The following MICB variants were observed in gnomAD, a reference collection of about 807,000 sequenced individuals.
The protein encoded by MICB is MHC class I polypeptide-related sequence B, also known as MHC class I antigen-related protein B.
Under a neutral mutation model 34.3 loss-of-function variants are expected in MICB, and 27 were observed. That is an observed-to-expected ratio of 0.79 (90% confidence interval 0.58 to 1.08). The LOEUF is 1.08. MICB is among the 50% of genes least tolerant of loss of function. The pLI, the probability that MICB is intolerant of heterozygous loss-of-function variation, is 0.00. For missense variants in MICB, 426 were observed against 483.1 expected, an observed-to-expected ratio of 0.88 and a Z score of 1.11; for synonymous variants, 153 against 187.4, an observed-to-expected ratio of 0.82 and a Z score of 1.50.
upstream of MICB, chr6:31,494,976 C>T (rs2534683): frequency 0.28 from 23,240 of 83,936 alleles, 1,983 homozygotes; most frequent in Admixed American, 0.43. Flanking sequence ...CCTCTGTGCT[C>T]GTGAGTCCAG....
upstream of MICB, among the ~76,000 whole-genome samples, chr6:31,495,389 A>C (rs1337559901): frequency 6.6e-6 from 1 of 152,132 alleles, no homozygotes; most frequent in African/African-American, 2.4e-5. Context: ...AGCTGGGTCC[A>C]TCTGCCTCTC....
intron 2 of MICB, 133 bp from the exon 3 acceptor site, chr6:31,506,010 G>T: frequency 6.8e-7 from 1 of 1,472,690 alleles, no homozygotes; most frequent in Non-Finnish European, 9.1e-7. Context: ...CAGCAGGGTG[G>T]TGAGCCGGAA....
Position 31,498,179 on chromosome 6 carries a change from G to T in MICB, c.-15G>T. 6.3e-7 allele frequency: 1 copy of T among 1,575,452 alleles called. No homozygotes were observed. On this transcript the variant is annotated 5_prime_UTR_variant, in exon 1 of 6. Transcript: ENST00000252229. ...GCCACTGCTGAGCAGCTGAGAAGGTGGCGACGTAGGGGCCATGGGGCTGGG... is the reference window on the plus strand; with the variant it reads ...GCCACTGCTGAGCAGCTGAGAAGGTTGCGACGTAGGGGCCATGGGGCTGGG...
Position 31,505,736 on chromosome 6 carries a change from C to T in MICB, c.190C>T (p.Arg64Cys), listed in dbSNP as rs2240858. The change falls in exon 2 of 6, where the codon CGC becomes TGC. Residue 64 changes from arginine (R) to cysteine (C), a missense_variant. Transcript: ENST00000252229. ...QPFLRYDRQKRRAKPQGQWAE... is the reference protein window; with the variant it reads ...QPFLRYDRQKCRAKPQGQWAE... ...CTTCCTGCGCTATGACAGGCAGAAA[C>T]GCAGGGCAAAGCCCCAGGGACAGTG... is the stretch of plus-strand genomic sequence containing the variant. The T allele has an allele frequency of 2.4e-4, 383 of 1,613,116 alleles. 2 individuals are homozygous for T. The Middle Eastern group carries it at 3.8e-3, about 16-fold the overall frequency.
chr6:31,497,933 C>A (rs1764755660), upstream of MICB, among the ~76,000 whole-genome samples: 1 of 152,184 alleles, frequency 6.6e-6, no homozygotes, highest in Non-Finnish European at 1.5e-5. Flanking sequence ...ATTTTGGCTG[C>A]GCTCGCGCAC....
At chr6:31,496,190 A>G (rs1282648656), upstream of MICB, among the ~76,000 whole-genome samples, 1 of 141,874 alleles carries the variant, frequency 7.0e-6, no homozygotes, top group Non-Finnish European at 1.5e-5. Flanking sequence ...GCTGGGGACA[A>G]GCCAATTCTC....
In MICB at chr6:31,507,038, T is replaced by A; in HGVS notation, c.630T>A (p.Asn210Lys). The A allele has an allele frequency of 6.2e-7, 1 of 1,613,714 alleles. No homozygotes were observed. The highest frequency in any genetic ancestry group is 8.5e-7 in the Non-Finnish European group (1 of 1,179,688). Residue 210 changes from asparagine to lysine, a missense_variant, in exon 4 of 6, where the codon AAT (asparagine) becomes AAA (lysine). By Grantham distance (94) the Asn-to-Lys change is moderately conservative (BLOSUM62 0). Coordinates refer to ENST00000252229, the MANE Select transcript of MICB (RefSeq NM_005931.5). The surrounding 1 kb of genome is among the most constrained non-coding windows in gnomAD (Gnocchi z 6.0). ...CTTCTCCAGTGCCCCCCATGGTGAATGTCACCTGCAGCGAGGTCTCAGAGG... is the reference window on the plus strand; with the variant it reads ...CTTCTCCAGTGCCCCCCATGGTGAAAGTCACCTGCAGCGAGGTCTCAGAGG... ...AIRRTVPPMVNVTCSEVSEGN... is the reference protein window; with the variant it reads ...AIRRTVPPMVKVTCSEVSEGN...
At chr6:31,500,889 G>A (rs1180866134) in intron 1 of MICB, among the ~76,000 whole-genome samples, 4 of 152,194 alleles carry the variant, frequency 2.6e-5, no homozygotes, top group Non-Finnish European at 5.9e-5. Context: ...CAATAAACAT[G>A]GAAAAGTAGA....
chr6:31,499,945 AC>A (rs1764932524), intron 1 of MICB, among the ~76,000 whole-genome samples: 1 of 100,986 alleles, frequency 9.9e-6, no homozygotes, highest in Admixed American at 1.1e-4. Context: ...CCCCCAGAGC[AC>A]CCTCCCCTCC....
intron 1 of MICB, among the ~76,000 whole-genome samples, chr6:31,504,299 G>T (rs576053041): frequency 2.2e-5 from 2 of 91,374 alleles, no homozygotes; most frequent in Admixed American, 1.8e-4. Flanking sequence ...TTGCTCTGTT[G>T]CCCAGGCTGG....
At chr6:31,497,096 G>A (rs1764707155), upstream of MICB, among the ~76,000 whole-genome samples, 1 of 152,206 alleles carries the variant, frequency 6.6e-6, no homozygotes, top group Admixed American at 6.5e-5. Context: ...GGCAGGCACA[G>A]TGTTTAGGAA....
chr6:31,506,534 C>T (rs1765341430), intron 3 of MICB, 104 bp downstream of exon 3: 6 of 1,286,608 alleles, frequency 4.7e-6, no homozygotes, highest in Middle Eastern at 4.0e-4. Context: ...TGGATGCAGG[C>T]GTTTCCTGTT....
At chr6:31,498,316 C>T (rs1764794696) in intron 1 of MICB, 53 bp downstream of exon 1, 3 of 1,448,924 alleles carry the variant, frequency 2.1e-6, no homozygotes, top group Non-Finnish European at 2.8e-6. Flanking sequence ...GGGGCGTTTC[C>T]GGGGGTCCGG....
chr6:31,509,696 T>C, intron 5 of MICB, 86 bp from the exon 6 acceptor site: 2 of 1,438,300 alleles, frequency 1.4e-6, no homozygotes, highest in Non-Finnish European at 1.8e-6. Context: ...AATCTGATTT[T>C]GGGGCAACTG....
chr6:31,506,745 G>A (rs1271638998), intron 3 of MICB, among the ~76,000 whole-genome samples: 2 of 152,104 alleles, frequency 1.3e-5, no homozygotes, highest in Non-Finnish European at 2.9e-5. Flanking sequence ...GCCCATCCCG[G>A]AGAGTTCCCT....
upstream of MICB, among the ~76,000 whole-genome samples, chr6:31,497,399 T>C (rs1764723813): frequency 6.6e-6 from 1 of 151,880 alleles, no homozygotes; most frequent in South Asian, 2.1e-4. Flanking sequence ...GGAGAGAGCT[T>C]GGTGTTGTAA....
chr6:31,494,950 T>C (rs1764572590), upstream of MICB: 2 of 125,214 alleles, frequency 1.6e-5, no homozygotes, highest in Non-Finnish European at 1.7e-5. Context: ...GCCTAAAGTC[T>C]GCGAGGAGGA....
chr6:31,506,124 C>A lies in MICB; in HGVS notation c.326-19C>A. The A allele has an allele frequency of 6.2e-7, 1 of 1,603,946 alleles. No homozygotes were observed. Among genetic ancestry groups the A allele is most frequent in the Non-Finnish European group, 8.5e-7 (1 of 1,174,486 alleles). On this transcript the variant is annotated intron_variant, in intron 2 of 5. Coordinates refer to ENST00000252229, the MANE Select transcript of MICB (RefSeq NM_005931.5). ...GTGATGGGTTCGGGAATGGAGAAGT[C>A]ACTGCTGGGTGGGGGCAGGCTTGCA...
chr6:31,510,089 G>A lies in MICB; in HGVS notation c.*180G>A, dbSNP rs908868083. Reference sequence around the variant, plus strand: ...CTGCCACGTAGAGAGCCAGCAAAGGGATCATGACCAACTCAACATTCCATT... The same window carrying A: ...CTGCCACGTAGAGAGCCAGCAAAGGAATCATGACCAACTCAACATTCCATT... On this transcript the variant is annotated 3_prime_UTR_variant, in exon 6 of 6. Coordinates refer to ENST00000252229, the MANE Select transcript of MICB (RefSeq NM_005931.5). The A allele has an allele frequency of 8.1e-5, 45 of 553,100 alleles. No homozygotes were observed. Among genetic ancestry groups the A allele is most frequent in the Non-Finnish European group, 1.2e-4 (42 of 342,012 alleles). The allele number at this position is 553,100 out of a possible 1,614,324, so 34.3% of individuals were successfully genotyped here. A position where few individuals can be genotyped will look rare whatever the true frequency, so the allele number is the denominator to read the frequency against.
Sources: gnomAD v4.1 joint callset for allele counts (sites outside exome capture counted in the v4.1 genomes callset) on GRCh38, gnomAD v4.1.1 for gene constraint, Gnocchi (gnomAD v3.1) non-coding constraint, MANE v1.5 for transcripts, NCBI Gene and HGNC (gene_info 2026-07-23, HGNC 2026-07-21) for gene names.